TENM4: variants seen among roughly 807,000 people sequenced by gnomAD.
The protein encoded by TENM4 is teneurin transmembrane protein 4, also known as teneurin-4.
A neutral mutation model predicts 243.3 loss-of-function variants in TENM4; 82 were observed. That is an observed-to-expected ratio of 0.34 (90% CI 0.28 to 0.40). The LOEUF is 0.40. Ranked by LOEUF, TENM4 falls within the 10% of genes least tolerant of loss-of-function variation. TENM4 has a pLI of 1.00. For missense variants in TENM4, 3,138 were observed against 3,673.3 expected, an observed-to-expected ratio of 0.85 and a Z score of 3.77; for synonymous variants, 1,412 against 1,456.3, an observed-to-expected ratio of 0.97 and a Z score of 0.69.
chr11:78,886,043 T>G (rs1299376747), intron 9 of TENM4, among the ~76,000 whole-genome samples: 1 of 152,210 alleles, frequency 6.6e-6, no homozygotes, highest in Non-Finnish European at 1.5e-5. Flanking sequence ...ACCCTCTGTT[T>G]CTGCCTCCCA....
At chr11:79,348,151 CT>C (rs1857359887) in intron 1 of TENM4, among the ~76,000 whole-genome samples, 1 of 152,232 alleles carries the variant, frequency 6.6e-6, no homozygotes, top group South Asian at 2.1e-4. Context: ...TTTTTTGAGC[CT>C]TTTGTGCCCA....
intron 6 of TENM4, among the ~76,000 whole-genome samples, chr11:78,938,771 T>C (rs370898818): frequency 3.3e-5 from 5 of 152,166 alleles, no homozygotes; most frequent in African/African-American, 1.2e-4. Flanking sequence ...GAGGGTTACA[T>C]TGGCTTTCTA....
intron 1 of TENM4, among the ~76,000 whole-genome samples, chr11:79,351,745 A>C (rs1427316271): frequency 6.6e-6 from 1 of 152,094 alleles, no homozygotes; most frequent in Admixed American, 6.5e-5. Flanking sequence ...AAATAAATCT[A>C]TCTCTGTGGA....
chr11:79,337,940 C>T (rs907779682), intron 1 of TENM4, among the ~76,000 whole-genome samples: 13 of 152,222 alleles, frequency 8.5e-5, no homozygotes, highest in African/African-American at 3.1e-4. Context: ...CAGGGTCCTT[C>T]CTCCATGGCC....
At chr11:79,432,819 G>A (rs1206699902) in intron 1 of TENM4, among the ~76,000 whole-genome samples, 1 of 152,186 alleles carries the variant, frequency 6.6e-6, no homozygotes, top group East Asian at 1.9e-4. Context: ...AAGTTACAAA[G>A]TTGCCATTCT....
At chr11:78,911,575 C>A (rs1219664600) in intron 6 of TENM4, among the ~76,000 whole-genome samples, 1 of 152,164 alleles carries the variant, frequency 6.6e-6, no homozygotes, top group African/African-American at 2.4e-5. Flanking sequence ...ATATCCAATT[C>A]ATATATTGAT....
intron 6 of TENM4, among the ~76,000 whole-genome samples, chr11:79,027,035 A>G (rs1171633613): frequency 6.6e-6 from 1 of 152,090 alleles, no homozygotes; most frequent in African/African-American, 2.4e-5. Context: ...GTTCCTACAC[A>G]CTCCCATGTG....
At chr11:78,890,216 C>T (rs190973189) in intron 8 of TENM4, among the ~76,000 whole-genome samples, 196 bp from the exon 9 acceptor site, 40 of 152,218 alleles carry the variant, frequency 2.6e-4, no homozygotes, top group African/African-American at 7.0e-4. Flanking sequence ...CACAGAGACA[C>T]GTTTCCACTG....
At chr11:79,028,406 G>A (rs1460185234) in intron 6 of TENM4, among the ~76,000 whole-genome samples, 8 of 152,228 alleles carry the variant, frequency 5.3e-5, no homozygotes, top group Non-Finnish European at 1.0e-4. Flanking sequence ...TGTAAGGGAG[G>A]GAGAAAAGCA....
intron 29 of TENM4, among the ~76,000 whole-genome samples, chr11:78,686,764 T>G (rs1356147958): frequency 6.6e-6 from 1 of 152,224 alleles, no homozygotes; most frequent in Non-Finnish European, 1.5e-5. Context: ...GACGAAACAC[T>G]GAGTTTTCCT....
chr11:79,024,470 C>A (rs1303881199), intron 6 of TENM4, among the ~76,000 whole-genome samples: 2 of 152,190 alleles, frequency 1.3e-5, no homozygotes, highest in Non-Finnish European at 2.9e-5. Flanking sequence ...CAAGAAAACA[C>A]ATCTCTGGAG....
intron 1 of TENM4, among the ~76,000 whole-genome samples, chr11:79,398,129 T>C (rs1185535407): frequency 6.6e-6 from 1 of 152,154 alleles, no homozygotes; most frequent in Non-Finnish European, 1.5e-5. Context: ...AGGTAGAAAA[T>C]GCAGCATCGG....
At chr11:78,705,018 C>T (rs1019934341) in intron 27 of TENM4, among the ~76,000 whole-genome samples, 3 of 152,238 alleles carry the variant, frequency 2.0e-5, no homozygotes, top group East Asian at 1.9e-4. Context: ...GGGCCGCTGC[C>T]GGCCAGTGCT....
intron 1 of TENM4, among the ~76,000 whole-genome samples, chr11:79,364,916 C>T (rs1857650555): frequency 6.6e-6 from 1 of 152,192 alleles, no homozygotes; most frequent in Admixed American, 6.5e-5. Flanking sequence ...GAGGAATTTA[C>T]AGTACAACAG....
At chr11:79,147,162 T>C (rs145246560) in intron 4 of TENM4, among the ~76,000 whole-genome samples, 7 of 152,220 alleles carry the variant, frequency 4.6e-5, no homozygotes, top group African/African-American at 1.7e-4. Context: ...CAGTCCATAA[T>C]ACATGAATCA....
intron 4 of TENM4, among the ~76,000 whole-genome samples, chr11:79,121,891 C>A (rs564652817): frequency 6.6e-6 from 1 of 152,286 alleles, no homozygotes; most frequent in Non-Finnish European, 1.5e-5. Context: ...AGGATAATAC[C>A]TTTCTTGTTT....
chr11:79,010,734 A>G (rs1403118587), intron 6 of TENM4, among the ~76,000 whole-genome samples: 1 of 152,140 alleles, frequency 6.6e-6, no homozygotes, highest in East Asian at 1.9e-4. Flanking sequence ...ACCTCCCACC[A>G]TGTCCCTCCA....
Position 78,698,645 on chromosome 11 carries a change from C to A in TENM4, c.5087+2881G>T, listed in dbSNP as rs532482473. ...ACCATAATGAAATATCTGTACACCT[C>A]TAATTCTAGACAGCCTCATAGTTTG... is the stretch of plus-strand genomic sequence containing the variant. On this transcript the variant is annotated intron_variant, in intron 28 of 33. Transcript: ENST00000278550. Among the ~76,000 whole-genome samples, 353 of 152,334 alleles carry A rather than the reference C, an allele frequency of 2.3e-3. 7 individuals are homozygous for A. Among genetic ancestry groups the A allele is most frequent in the Middle Eastern group, 0.01 (3 of 294 alleles).
intron 9 of TENM4, among the ~76,000 whole-genome samples, chr11:78,887,292 C>T (rs1441741917): frequency 2.0e-5 from 3 of 152,228 alleles, no homozygotes; most frequent in Admixed American, 1.3e-4. Flanking sequence ...CTACTTCTGG[C>T]TAATGCCTAC....
Sources: allele counts gnomAD v4.1 joint callset (sites outside exome capture counted in the v4.1 genomes callset), GRCh38; gene constraint gnomAD v4.1.1; transcripts MANE v1.5; gene names NCBI Gene and HGNC (gene_info 2026-07-23, HGNC 2026-07-21).